Variants in MED13 observed in about 807,000 individuals in gnomAD.
MED13 encodes mediator complex subunit 13.
In MED13, 23 loss-of-function variants were observed where a neutral mutation model predicts 225.2. The ratio of observed to expected loss-of-function variants is 0.10; its 90% CI spans 0.07 to 0.14. The LOEUF is 0.14. Ranked by LOEUF, MED13 falls within the 10% of genes least tolerant of loss-of-function variation. The pLI, the probability that MED13 is intolerant of heterozygous loss-of-function variation, is 1.00. For synonymous variants in MED13, 942 were observed against 889.2 expected (o/e 1.06, Z -1.06); for missense variants, 2,197 against 2,594.5 (o/e 0.85, Z 3.33).
In MED13 at chr17:61,961,647, T is replaced by G. The variant is rs200652864; in HGVS notation, c.5197A>C (p.Lys1733Gln). The G allele has an allele frequency of 2.9e-5, 47 of 1,614,164 alleles. No individual in the cohort carries two copies. In the African/African-American group the frequency reaches 5.6e-4, roughly 19 times the overall value. ...RRPLPTSTNV[K>Q]TLTGFGPGLA... is the part of the protein sequence containing the mutation. ...CCTGGACCAAAGCCAGTCAATGTTTTCACATTGGTTGATGTTGGAAGTGGC... is the reference window on the plus strand; with the variant it reads ...CCTGGACCAAAGCCAGTCAATGTTTGCACATTGGTTGATGTTGGAAGTGGC... The change falls in exon 22 of 30, where the codon AAA becomes CAA. Residue 1733 changes from lysine to glutamine, a missense_variant. Physicochemically the swap from Lys to Gln is moderately conservative, Grantham distance 53. Around this residue, in one of 12 missense-constraint regions of MED13, gnomAD observed 457 missense variants for 442.2 expected, o/e 1.03. Coordinates refer to ENST00000397786, the MANE Select transcript of MED13 (RefSeq NM_005121.3).
At chr17:62,059,447 T>G (rs1603410512) in intron 2 of MED13, among the ~76,000 whole-genome samples, 1 of 152,234 alleles carries the variant, frequency 6.6e-6, no homozygotes, top group African/African-American at 2.4e-5. Flanking sequence ...TGGTGTGTGC[T>G]GAACCAAACA....
chr17:61,985,167 CTT>C (rs2080237232), intron 12 of MED13, 77 bp from the exon 13 acceptor site: 1 of 1,217,596 alleles, frequency 8.2e-7, no homozygotes, highest in Non-Finnish European at 1.2e-6. Flanking sequence ...TCAGATATAA[CTT>C]AACAGTAAAG....
At chr17:62,022,630 G>T (rs1468632774) in intron 8 of MED13, among the ~76,000 whole-genome samples, 2 of 151,936 alleles carry the variant, frequency 1.3e-5, no homozygotes, top group African/African-American at 4.8e-5. Context: ...TTTAAACAAT[G>T]AAGCAGAGCT....
chr17:62,050,292 A>T (rs1216481265), intron 3 of MED13, among the ~76,000 whole-genome samples: 3 of 151,414 alleles, frequency 2.0e-5, no homozygotes, highest in Non-Finnish European at 4.4e-5. Context: ...TGGGAGGCAG[A>T]GGTTGCAGTG....
intron 9 of MED13, among the ~76,000 whole-genome samples, chr17:62,008,672 AC>A (rs1282005560): frequency 1.3e-5 from 2 of 151,726 alleles, no homozygotes; most frequent in Non-Finnish European, 2.9e-5. Flanking sequence ...TTTATCTCCC[AC>A]TCTTCCCCCC....
intron 17 of MED13, among the ~76,000 whole-genome samples, chr17:61,969,801 C>T (rs1224829180): frequency 6.6e-6 from 1 of 152,008 alleles, no homozygotes; most frequent in Admixed American, 6.6e-5. Context: ...GGGGTTTCAC[C>T]ATGTTGGCCA....
At chr17:61,991,188 G>A (rs2080295377) in intron 11 of MED13, among the ~76,000 whole-genome samples, 1 of 151,930 alleles carries the variant, frequency 6.6e-6, no homozygotes, top group Non-Finnish European at 1.5e-5. Flanking sequence ...GCACAATCTC[G>A]GCTCACTGCA....
intron 2 of MED13, among the ~76,000 whole-genome samples, chr17:62,056,878 T>A (rs919907630): frequency 2.0e-5 from 3 of 152,236 alleles, no homozygotes; most frequent in Non-Finnish European, 4.4e-5. Flanking sequence ...TAATCATCAG[T>A]GTTTCTTGAA....
rs115666467 is a variant in MED13 at position 62,014,484 on chromosome 17, T to C, written c.1284-3251A>G. The stretch of plus-strand genomic sequence containing the variant: ...GGTGCCCGCCACCACACTGGGCTGA[T>C]TTTTGTATTTTCAGTAGAGGTGGGG... On this transcript the variant is annotated intron_variant, in intron 8 of 29. Transcript: ENST00000397786. Among the ~76,000 whole-genome samples the C allele has an allele frequency of 7.3e-3, 1,116 of 152,062 alleles. 15 individuals carry two copies. The highest frequency in any genetic ancestry group is 0.026 in the African/African-American group (1,072 of 41,478).
chr17:61,985,798 T>G (rs1402202441), intron 12 of MED13, among the ~76,000 whole-genome samples: 1 of 152,248 alleles, frequency 6.6e-6, no homozygotes, highest in Non-Finnish European at 1.5e-5. Flanking sequence ...TAAAGTTTCC[T>G]ATATAATCAA....
In MED13 at chr17:61,982,472, T is replaced by G. The variant is rs2080213304; in HGVS notation, c.3531A>C (p.Gly1177=). 1 of 1,614,088 alleles carries G rather than the reference T, an allele frequency of 6.2e-7. No homozygotes were observed. The highest frequency in any genetic ancestry group is 1.7e-5 in the Admixed American group (1 of 60,010). ...CAGATAATTTTTCAGATTCCTTTAG[T>G]CCTCCATTAACATGTTCAGCAGAGG... The part of the protein sequence containing the change: ...RATSAEHVNG[G]LKESEKLSDD... The change falls in exon 16 of 30, where the codon GGA becomes GGC. Residue 1177 remains glycine (G), a synonymous_variant. Coordinates refer to ENST00000397786, the MANE Select transcript of MED13 (RefSeq NM_005121.3).
At chr17:62,050,167 T>C (rs1050338344) in intron 3 of MED13, among the ~76,000 whole-genome samples, 4 of 151,934 alleles carry the variant, frequency 2.6e-5, no homozygotes, top group African/African-American at 9.7e-5. Flanking sequence ...AAGACCAGCC[T>C]AGCCAACATG....
In MED13 at chr17:62,035,376, T is replaced by G. The variant is rs554479503; in HGVS notation, c.616+87A>C. The G allele has an allele frequency of 5.4e-4, 606 of 1,124,314 alleles. 1 individual carries two copies. The highest frequency in any genetic ancestry group is 1.6e-3 in the Admixed American group (64 of 39,592). The allele number at this position is 1,124,314 out of a possible 1,614,324, so 69.6% of individuals were successfully genotyped here. On this transcript the variant is annotated intron_variant, in intron 4 of 29. Transcript: ENST00000397786. Reference sequence around the variant, plus strand: ...CATTAGGCTAAAGATCAGGGGGAATTCCATCAATCCCCAAATGTAAAATTA... The same window carrying G: ...CATTAGGCTAAAGATCAGGGGGAATGCCATCAATCCCCAAATGTAAAATTA...
Position 62,010,977 on chromosome 17 carries a change from T to C in MED13, c.1540A>G (p.Asn514Asp). ...ATCTGAGGAGTCTTTGCTACATCAT[T>C]AGTTCGGATATTTGAAAATCTCACT... is the stretch of plus-strand genomic sequence containing the variant. ...SQVRFSNIRT[N>D]DVAKTPQMHG... Residue 514 changes from asparagine (N) to aspartate (D), a missense_variant, in exon 9 of 30, where the codon AAT becomes GAT. This residue lies in a region of MED13 where 884 missense variants were observed against 918.5 expected (regional missense o/e 0.96). Coordinates refer to ENST00000397786, the MANE Select transcript of MED13 (RefSeq NM_005121.3). 6.2e-7 allele frequency: 1 copy of C among 1,613,536 alleles called. No homozygotes were observed. Among genetic ancestry groups the C allele is most frequent in the Non-Finnish European group, 8.5e-7 (1 of 1,179,450 alleles).
intron 2 of MED13, among the ~76,000 whole-genome samples, chr17:62,060,017 T>C (rs543274040): frequency 5.6e-4 from 85 of 152,236 alleles, no homozygotes; most frequent in African/African-American, 2.0e-3. Context: ...TACGGCCAGG[T>C]GCAGTGACTC....
At chr17:61,963,727 T>C (rs1332031132) in intron 20 of MED13, among the ~76,000 whole-genome samples, 1 of 152,158 alleles carries the variant, frequency 6.6e-6, no homozygotes, top group African/African-American at 2.4e-5. Flanking sequence ...TCAAGATGAG[T>C]GTATCAATCT....
intron 23 of MED13, among the ~76,000 whole-genome samples, chr17:61,957,911 C>T (rs1490344072): frequency 1.3e-5 from 2 of 152,186 alleles, no homozygotes; most frequent in Non-Finnish European, 1.5e-5. Context: ...GTCACTCAGG[C>T]TGGAGTGCAG....
At chr17:62,020,226 C>A (rs1034142566) in intron 8 of MED13, among the ~76,000 whole-genome samples, 1 of 145,126 alleles carries the variant, frequency 6.9e-6, no homozygotes, top group Non-Finnish European at 1.5e-5. Context: ...TACTTAGCAG[C>A]CTTTCTTTTT....
chr17:62,032,493 A>C (rs1352819853), intron 5 of MED13: 1 of 152,010 alleles, frequency 6.6e-6, no homozygotes, highest in African/African-American at 2.4e-5. Flanking sequence ...AAAAAAAAAA[A>C]AAAAAAGATG....
Sources: allele counts gnomAD v4.1 joint callset (sites outside exome capture counted in the v4.1 genomes callset), GRCh38; gene constraint gnomAD v4.1.1; regional missense constraint gnomAD v4.1.1; transcripts MANE v1.5; gene names NCBI Gene and HGNC (gene_info 2026-07-23, HGNC 2026-07-21).